Variants in DCLK3 observed in about 807,000 individuals in gnomAD.
DCLK3 encodes the protein doublecortin like kinase 3.
A neutral mutation model predicts 46.4 loss-of-function variants in DCLK3; 30 were observed. That is an observed-to-expected ratio of 0.65 (90% CI 0.48 to 0.88). The LOEUF (loss-of-function observed/expected upper bound fraction) is 0.88, where lower values mean the gene tolerates loss of function less well. Ranked by LOEUF, DCLK3 falls within the 40% of genes least tolerant of loss-of-function variation. DCLK3 has a pLI of 0.00. For missense variants in DCLK3, 846 were observed against 907.1 expected (o/e 0.93, Z 0.87); for synonymous variants, 401 against 339.2 (o/e 1.18, Z -2.00).
Position 36,738,275 on chromosome 3 carries a change from T to A in DCLK3, c.892A>T (p.Ile298Phe). ...ATAATTTCACCCGAGGTCTTTTCAA[T>A]CTCCACCCCAAGATGCTTCTCTCCC... ...ARGEKHLGVE[I>F]EKTSGEIIRC... Residue 298 changes from isoleucine (I) to phenylalanine (F), a missense_variant, in exon 2 of 5, where the codon ATT (isoleucine) becomes TTT (phenylalanine). Around this residue, in one of 3 missense-constraint regions of DCLK3, gnomAD observed 553 missense variants for 543.0 expected, o/e 1.02. Transcript: ENST00000636136. The A allele has an allele frequency of 1.3e-6, 2 of 1,536,646 alleles. No homozygotes were observed. Among genetic ancestry groups the A allele is most frequent in the Non-Finnish European group, 1.7e-6 (2 of 1,144,656 alleles).
chr3:36,746,255 G>A (rs903281642), intron 1 of DCLK3, among the ~76,000 whole-genome samples: 3 of 152,180 alleles, frequency 2.0e-5, no homozygotes, highest in African/African-American at 7.2e-5. Flanking sequence ...CTCTGACTGA[G>A]AGATATTGGC....
At chr3:36,726,643 C>G (rs1267825121) in intron 2 of DCLK3, among the ~76,000 whole-genome samples, 1 of 152,142 alleles carries the variant, frequency 6.6e-6, no homozygotes, top group Non-Finnish European at 1.5e-5. Context: ...TTGGTTTCTG[C>G]CAGTGAGCTT....
chr3:36,751,467 G>A (rs1263671442), intron 1 of DCLK3, among the ~76,000 whole-genome samples: 4 of 152,220 alleles, frequency 2.6e-5, no homozygotes, highest in Non-Finnish European at 5.9e-5. Flanking sequence ...GATTGACAGT[G>A]GTGGCACTAA....
rs1182244776 is a variant in DCLK3, at chr3:36,737,141, A to G, written c.1959+67T>C. On this transcript the variant is annotated intron_variant, in intron 2 of 4. Transcript: ENST00000636136. This position sits in a 1 kb window ranked among gnomAD's most constrained non-coding sequence, Gnocchi z 4.4. Reference sequence around the variant, plus strand: ...TGTAAAGGTGACAGAGTATAAAACAATTAATATCAATTTTATCCCATATTC... The same window carrying G: ...TGTAAAGGTGACAGAGTATAAAACAGTTAATATCAATTTTATCCCATATTC... 2 of 1,525,528 alleles carry G rather than the reference A, an allele frequency of 1.3e-6. No homozygotes were observed. Among genetic ancestry groups the G allele is most frequent in the East Asian group, 2.3e-5 (1 of 43,428 alleles). 94.5% of individuals were successfully genotyped at this position (1,525,528 alleles called of 1,614,324 possible). A position where few individuals can be genotyped will look rare whatever the true frequency, so the allele number is the denominator to read the frequency against.
At chr3:36,722,913 G>T (rs549128246) in intron 2 of DCLK3, among the ~76,000 whole-genome samples, 2 of 152,302 alleles carry the variant, frequency 1.3e-5, no homozygotes, top group African/African-American at 4.8e-5. Context: ...CTGCTGGAAA[G>T]ATACCCAAAA....
intron 1 of DCLK3, among the ~76,000 whole-genome samples, chr3:36,753,312 GTTTTTTCTTTGA>G (rs1424681859): frequency 2.6e-5 from 4 of 152,126 alleles, no homozygotes; most frequent in Admixed American, 2.6e-4. Flanking sequence ...CAACATGTAT[GTTTTTTCTTTGA>G]TTGTTAACAT....
At chr3:36,751,791 A>G (rs1367854984) in intron 1 of DCLK3, among the ~76,000 whole-genome samples, 4 of 152,248 alleles carry the variant, frequency 2.6e-5, no homozygotes, top group African/African-American at 9.6e-5. Context: ...ACAGAGCCCT[A>G]GTGCCAGGTA....
intron 1 of DCLK3, among the ~76,000 whole-genome samples, chr3:36,753,057 T>A (rs1377647967): frequency 6.6e-6 from 1 of 152,036 alleles, no homozygotes; most frequent in Non-Finnish European, 1.5e-5. Flanking sequence ...TAAGAAAAAC[T>A]TCTTAAGAAG....
rs202059922 is a variant in DCLK3 at position 36,737,953 on chromosome 3, G to A, written c.1214C>T (p.Ala405Val). The A allele has an allele frequency of 6.0e-5, 97 of 1,614,042 alleles. No individual in the cohort carries two copies. The highest frequency in any genetic ancestry group is 5.9e-4 in the African/African-American group (44 of 74,918). Residue 405 changes from alanine (A) to valine (V), a missense_variant, in exon 2 of 5, where the codon GCT (alanine) becomes GTT (valine). Transcript: ENST00000636136. The surrounding 1 kb of genome is among the most constrained non-coding windows in gnomAD (Gnocchi z 4.4). ...DRGPEDQESHAQGAAKAKKDL... is the reference protein window; with the variant it reads ...DRGPEDQESHVQGAAKAKKDL... ...CTTCTTGGCCTTGGCTGCTCCCTGA[G>A]CATGGCTTTCTTGATCCTCTGGGCC...
chr3:36,738,333 G>C lies in DCLK3; in HGVS notation c.834C>G (p.Pro278=). ...KWEPEPSSKP[P]REATLEERHA... ...GCCTCTCTTCCAGAGTGGCTTCCCT[G>C]GGGGGCTTGCTACTGGGTTCTGGCT... The change falls in exon 2 of 5, where the codon CCC becomes CCG. Residue 278 remains proline, a synonymous_variant. Transcript: ENST00000636136. The C allele has an allele frequency of 6.6e-7, 1 of 1,506,690 alleles. No homozygotes were observed. The highest frequency in any genetic ancestry group is 8.8e-7 in the Non-Finnish European group (1 of 1,130,780). The allele number at this position is 1,506,690 out of a possible 1,614,324, so 93.3% of individuals were successfully genotyped here.
At chr3:36,721,769 A>G in intron 2 of DCLK3, 110 bp from the exon 3 acceptor site, 3 of 1,318,454 alleles carry the variant, frequency 2.3e-6, no homozygotes, top group Admixed American at 3.8e-5. Context: ...ATAAACCTAT[A>G]TGAGATTACA....
At chr3:36,726,199 G>A (rs1701123678) in intron 2 of DCLK3, among the ~76,000 whole-genome samples, 1 of 152,008 alleles carries the variant, frequency 6.6e-6, no homozygotes, top group Admixed American at 6.6e-5. Flanking sequence ...CCAGTTTGAG[G>A]GAAGGTTAAA....
At chr3:36,732,670 C>T (rs908563717) in intron 2 of DCLK3, among the ~76,000 whole-genome samples, 8 of 152,128 alleles carry the variant, frequency 5.3e-5, no homozygotes, top group African/African-American at 1.9e-4. Flanking sequence ...CTTAAGTATA[C>T]TTCATAGTTG....
chr3:36,730,057 T>C (rs903646857), intron 2 of DCLK3, among the ~76,000 whole-genome samples: 5 of 152,038 alleles, frequency 3.3e-5, no homozygotes, highest in Admixed American at 6.6e-5. Context: ...TTTATACCTG[T>C]GGTCCCAGCT....
intron 2 of DCLK3, among the ~76,000 whole-genome samples, chr3:36,731,024 G>C (rs1701192298): frequency 6.6e-6 from 1 of 152,002 alleles, no homozygotes; most frequent in Admixed American, 6.6e-5. Flanking sequence ...AGACCTTCCA[G>C]GCCATGGAAA....
chr3:36,743,174 C>A (rs929721981), intron 1 of DCLK3, among the ~76,000 whole-genome samples: 1 of 150,152 alleles, frequency 6.7e-6, no homozygotes, highest in Admixed American at 6.7e-5. Flanking sequence ...TGAGCACTGA[C>A]ATTCCTACCA....
chr3:36,754,807 G>C (rs1226224174), intron 1 of DCLK3, among the ~76,000 whole-genome samples: 1 of 151,938 alleles, frequency 6.6e-6, no homozygotes, highest in Non-Finnish European at 1.5e-5. Flanking sequence ...TCAATTCTAG[G>C]ACATACCTAT....
intron 1 of DCLK3, among the ~76,000 whole-genome samples, chr3:36,761,538 C>A (rs1207152809): frequency 1.3e-5 from 2 of 152,162 alleles, no homozygotes; most frequent in Non-Finnish European, 2.9e-5. Context: ...AGAACTCCCC[C>A]ACGTATGCAT....
chr3:36,716,807 A>G (rs1247859525), intron 4 of DCLK3, among the ~76,000 whole-genome samples: 1 of 152,202 alleles, frequency 6.6e-6, no homozygotes, highest in African/African-American at 2.4e-5. Flanking sequence ...GAAGGGTGTG[A>G]CTACAGCAGG....
Sources: gnomAD v4.1 joint callset for allele counts (sites outside exome capture counted in the v4.1 genomes callset) on GRCh38, gnomAD v4.1.1 for gene constraint, gnomAD v4.1.1 regional missense constraint, Gnocchi (gnomAD v3.1) non-coding constraint, MANE v1.5 for transcripts, NCBI Gene and HGNC (gene_info 2026-07-23, HGNC 2026-07-21) for gene names.